The following ACACA variants were observed in gnomAD, a reference collection of about 807,000 sequenced individuals.
The protein encoded by ACACA is acetyl-CoA carboxylase 1.
A neutral mutation model predicts 296.1 loss-of-function variants in ACACA; 103 were observed. The observed-to-expected ratio is 0.35, with a 90% CI of 0.30 to 0.41. The LOEUF (loss-of-function observed/expected upper bound fraction) is 0.41. Among genes scored for constraint, ACACA ranks in the 10% least tolerant of loss-of-function variants. The probability of loss-of-function intolerance (pLI) is 1.00; values close to 1 mark genes in which losing one functional copy is unlikely to be tolerated. For synonymous variants in ACACA, 953 were observed against 1,038.6 expected, an observed-to-expected ratio of 0.92 and a Z score of 1.58; for missense variants, 1,554 against 2,989.7, an observed-to-expected ratio of 0.52 and a Z score of 11.20.
chr17:37,172,987 A>AC (rs1174816791), intron 41 of ACACA, among the ~76,000 whole-genome samples: 4 of 152,174 alleles, frequency 2.6e-5, no homozygotes, highest in African/African-American at 9.7e-5. Flanking sequence ...ACTGACACTG[A>AC]CTCAATTTCT....
Position 37,264,835 on chromosome 17 carries a change from T to C in ACACA, c.1120-941A>G, listed in dbSNP as rs182788694. Among the ~76,000 whole-genome samples, 3 of 152,356 alleles carry C rather than the reference T, an allele frequency of 2.0e-5. No individual in the cohort carries two copies. The East Asian group carries it at 5.8e-4, about 29-fold the overall frequency. On this transcript the variant is annotated intron_variant, in intron 10 of 55. Transcript: ENST00000616317. ...TGTAGCAAGTCATCTCAAAACTCAGTGGCTTGCTTAGAACATCAACCTTTT... is the reference window on the plus strand; with the variant it reads ...TGTAGCAAGTCATCTCAAAACTCAGCGGCTTGCTTAGAACATCAACCTTTT...
In ACACA at chr17:37,214,489, G is replaced by A. The variant is rs138916495; in HGVS notation, c.3684-3999C>T. 1.6e-4 allele frequency among the ~76,000 whole-genome samples: 24 copies of A among 152,244 alleles called. No homozygotes were observed. The East Asian group carries it at 4.2e-3, about 27-fold the overall frequency. The stretch of plus-strand genomic sequence containing the variant: ...TGTTGCCTGCTATATAATTAGCTAC[G>A]AACCCACAGCACAAAACTACGGGGA... On this transcript the variant is annotated intron_variant, in intron 29 of 55. Coordinates refer to ENST00000616317, the MANE Select transcript of ACACA (RefSeq NM_198834.3).
chr17:37,335,624 C>T (rs1204798137), intron 2 of ACACA, among the ~76,000 whole-genome samples: 1 of 152,110 alleles, frequency 6.6e-6, no homozygotes, highest in Non-Finnish European at 1.5e-5. Flanking sequence ...AAAAGAGTAC[C>T]CATTCTTCCT....
rs34711647 is a variant in ACACA at position 37,239,139 on chromosome 17, AT to A, written c.3121+1336del. On this transcript the variant is annotated intron_variant, in intron 24 of 55. Transcript: ENST00000616317. ...CCACTACATCTAGCCTGCTATTTTAATTTTTTTTTTCCTGAACTGCTTTTCT... is the reference window on the plus strand; with the variant it reads ...CCACTACATCTAGCCTGCTATTTTAATTTTTTTTTCCTGAACTGCTTTTCT... Among the ~76,000 whole-genome samples the A allele has an allele frequency of 1.6e-3, 233 of 150,232 alleles. 1 individual carries two copies. The highest frequency in any genetic ancestry group is 5.1e-3 in the African/African-American group (210 of 41,004).
intron 5 of ACACA, among the ~76,000 whole-genome samples, chr17:37,281,790 C>T (rs2082547883): frequency 6.6e-6 from 1 of 152,164 alleles, no homozygotes; most frequent in Non-Finnish European, 1.5e-5. Context: ...TGCATGAACC[C>T]AGGAGGCGGA....
At chr17:37,359,049 G>T (rs975195542) in intron 1 of ACACA, 1 of 985,870 alleles carries the variant, frequency 1.0e-6, no homozygotes, top group Non-Finnish European at 1.2e-6. Flanking sequence ...CCTGCGTGGA[G>T]GAACTGCTGG....
intron 33 of ACACA, among the ~76,000 whole-genome samples, chr17:37,201,802 T>G (rs2078261788): frequency 6.6e-6 from 1 of 152,174 alleles, no homozygotes; most frequent in African/African-American, 2.4e-5. Context: ...ATTCATGATA[T>G]TATATATTTT....
chr17:37,406,714 C>A lies in ACACA; in HGVS notation c.-415G>T. ...GTCAGGCAAGCGGCTCAGCCCCATC[C>A]TCCCAGTCCTCGGGCACGGGGACAG... is the stretch of plus-strand genomic sequence containing the variant. On this transcript the variant is annotated 5_prime_UTR_variant, in exon 1 of 56. It adds an upstream start codon to the 5' untranslated region. Coordinates refer to ENST00000616317, the MANE Select transcript of ACACA (RefSeq NM_198834.3). The A allele has an allele frequency of 4.3e-6, 1 of 234,290 alleles. No individual in the cohort carries two copies. Among genetic ancestry groups the A allele is most frequent in the Non-Finnish European group, 8.5e-6 (1 of 118,174 alleles). The allele number at this position is 234,290 out of a possible 1,614,324, so 14.5% of individuals were successfully genotyped here. A position where few individuals can be genotyped will look rare whatever the true frequency, so the allele number is the denominator to read the frequency against.
chr17:37,274,781 A>G, intron 8 of ACACA: 1 of 421,694 alleles, frequency 2.4e-6, no homozygotes, highest in African/African-American at 2.2e-5. Context: ...TAAGGGGAAC[A>G]CTATAGCCTC....
chr17:37,330,392 T>C lies in ACACA; in HGVS notation c.119A>G (p.Glu40Gly). The C allele has an allele frequency of 1.2e-6, 2 of 1,614,204 alleles. No homozygotes were observed. Among genetic ancestry groups the C allele is most frequent in the Non-Finnish European group, 1.7e-6 (2 of 1,180,038 alleles). ...CAGAGGTTGGGCCAAGGGAGATGGT[T>C]CATCCATTATTCCTCCAAAATGAGC... is the stretch of plus-strand genomic sequence containing the variant. Reference protein sequence around the residue: ...VRAHFGGIMDEPSPLAQPLEL... With the variant: ...VRAHFGGIMDGPSPLAQPLEL... The change falls in exon 3 of 56, where the codon GAA becomes GGA. Residue 40 changes from glutamate to glycine, a missense_variant. By Grantham distance (98) the Glu-to-Gly change is moderately conservative. Around this residue, in one of 16 missense-constraint regions of ACACA, gnomAD observed 140 missense variants for 147.7 expected, o/e 0.95. Transcript: ENST00000616317.
chr17:37,278,497 G>A (rs2082367288), intron 5 of ACACA, among the ~76,000 whole-genome samples: 1 of 152,152 alleles, frequency 6.6e-6, no homozygotes, highest in Non-Finnish European at 1.5e-5. Flanking sequence ...AGGAGTGTCT[G>A]GAAAGAGTTT....
chr17:37,283,455 AC>A (rs776849892), intron 4 of ACACA, 50 bp from the exon 5 acceptor site: 1 of 1,600,156 alleles, frequency 6.2e-7, no homozygotes, highest in Non-Finnish European at 8.6e-7. Context: ...GAAAAAAGCA[AC>A]AATGGAGGAA....
intron 32 of ACACA, among the ~76,000 whole-genome samples, 170 bp from the exon 33 acceptor site, chr17:37,206,042 G>T (rs978632871): frequency 6.6e-6 from 1 of 152,204 alleles, no homozygotes; most frequent in Non-Finnish European, 1.5e-5. Flanking sequence ...AATAGCCACA[G>T]AGAGATTAAA....
At chr17:37,397,674 G>C (rs983046241) in intron 1 of ACACA, among the ~76,000 whole-genome samples, 14 of 151,442 alleles carry the variant, frequency 9.2e-5, no homozygotes, top group Admixed American at 4.6e-4. Flanking sequence ...CTTATTCAAT[G>C]ACCTGATTTG....
chr17:37,235,975 AC>A (rs1471256052), intron 24 of ACACA, among the ~76,000 whole-genome samples: 3 of 152,174 alleles, frequency 2.0e-5, no homozygotes, highest in African/African-American at 7.2e-5. Context: ...AAAACAGCTT[AC>A]CTCAGAATTA....
intron 41 of ACACA, among the ~76,000 whole-genome samples, chr17:37,167,271 T>G (rs1163385361): frequency 1.5e-5 from 1 of 66,124 alleles, no homozygotes; most frequent in Admixed American, 2.0e-4. Context: ...TGGTATTTTC[T>G]TTTTTTTTTT....
intron 15 of ACACA, 132 bp from the exon 16 acceptor site, chr17:37,252,240 G>A (rs972654451): frequency 3.0e-5 from 22 of 741,902 alleles, no homozygotes; most frequent in Non-Finnish European, 5.3e-5. Flanking sequence ...CTGCCCAACT[G>A]ATTTTTTAGA....
intron 45 of ACACA, among the ~76,000 whole-genome samples, chr17:37,133,077 T>G (rs1384572725): frequency 6.6e-6 from 1 of 152,208 alleles, no homozygotes; most frequent in East Asian, 1.9e-4. Flanking sequence ...GAAGTGTTTG[T>G]CATGTGAGAA....
intron 1 of ACACA, among the ~76,000 whole-genome samples, chr17:37,356,264 T>G (rs1433983765): frequency 3.3e-5 from 5 of 152,238 alleles, no homozygotes; most frequent in Non-Finnish European, 2.9e-5. Context: ...GGTAATTATC[T>G]CAATAGTTAA....
Sources: gnomAD v4.1 joint callset for allele counts (sites outside exome capture counted in the v4.1 genomes callset) on GRCh38, gnomAD v4.1.1 for gene constraint, gnomAD v4.1.1 regional missense constraint, MANE v1.5 for transcripts, NCBI Gene and HGNC (gene_info 2026-07-23, HGNC 2026-07-21) for gene names.